Variants in KCNJ12 observed in about 807,000 individuals in gnomAD.
KCNJ12 encodes the protein potassium inwardly rectifying channel subfamily J member 12.
KCNJ12 carries 2 observed loss-of-function variants against 22.3 expected under a neutral mutation model. The ratio of observed to expected loss-of-function variants is 0.09; its 90% CI spans 0.04 to 0.28. KCNJ12 has a LOEUF of 0.28. Ranked by LOEUF, KCNJ12 falls within the 10% of genes least tolerant of loss-of-function variation. The probability of loss-of-function intolerance (pLI) is 1.00; values close to 1 mark genes in which losing one functional copy is unlikely to be tolerated. For missense variants in KCNJ12, 155 were observed against 633.3 expected, an observed-to-expected ratio of 0.24 and a Z score of 8.11; for synonymous variants, 117 against 261.4, an observed-to-expected ratio of 0.45 and a Z score of 5.33.
At chr17:21,386,906 A>G (rs1328930249) in intron 1 of KCNJ12, among the ~76,000 whole-genome samples, 1 of 152,244 alleles carries the variant, frequency 6.6e-6, no homozygotes, top group African/African-American at 2.4e-5. Context: ...TTTCATCTGA[A>G]TAAAGTCATA....
chr17:21,414,474 TAAAAAA>T (rs1555562136), intron 2 of KCNJ12, among the ~76,000 whole-genome samples: 5 of 141,642 alleles, frequency 3.5e-5, no homozygotes, highest in Non-Finnish European at 7.8e-5. Flanking sequence ...AGATTCTGTC[TAAAAAA>T]GAAAAAAAGA....
chr17:21,402,910 C>G (rs529836829), intron 1 of KCNJ12, among the ~76,000 whole-genome samples: 1 of 152,302 alleles, frequency 6.6e-6, no homozygotes, highest in African/African-American at 2.4e-5. Flanking sequence ...GTGCTAGGCC[C>G]AGCTCTGGCT....
At chr17:21,399,879 G>A (rs75174590) in intron 1 of KCNJ12, among the ~76,000 whole-genome samples, 1 of 152,214 alleles carries the variant, frequency 6.6e-6, no homozygotes, top group Non-Finnish European at 1.5e-5. Context: ...AAAGAAACTG[G>A]TGTGAATGGA....
intron 1 of KCNJ12, among the ~76,000 whole-genome samples, chr17:21,400,211 A>AC (rs1390542922): frequency 1.3e-5 from 2 of 152,132 alleles, no homozygotes; most frequent in African/African-American, 4.8e-5. Context: ...TGCAAAGGCC[A>AC]CCTGGGGGTG....
At chr17:21,380,018 C>T (rs74618973) in intron 1 of KCNJ12, among the ~76,000 whole-genome samples, 412 of 152,274 alleles carry the variant, frequency 2.7e-3, no homozygotes, top group African/African-American at 8.7e-3. Flanking sequence ...AGACCCAGAG[C>T]CCTGGTGCTT....
chr17:21,411,016 G>A (rs1445424701), intron 2 of KCNJ12, among the ~76,000 whole-genome samples: 3,501 of 149,932 alleles, frequency 0.023, no homozygotes, highest in African/African-American at 0.086. Context: ...GGGGCTGTTG[G>A]CGCCTCCCCC....
In KCNJ12 at chr17:21,389,196, G is replaced by A. The variant is rs374749141; in HGVS notation, c.-179+12283G>A. ...ATTCACAGGTGGAGAAATGGAGGCC[G>A]GGAGAAGGGGAGGGACTGCCCAGAG... is the stretch of plus-strand genomic sequence containing the variant. On this transcript the variant is annotated intron_variant, in intron 1 of 2. Coordinates refer to ENST00000583088, the MANE Select transcript of KCNJ12 (RefSeq NM_021012.5). 1.6e-4 allele frequency among the ~76,000 whole-genome samples: 25 copies of A among 152,314 alleles called. 1 individual carries two copies. The highest frequency in any genetic ancestry group is 5.5e-4 in the African/African-American group (23 of 41,576).
At chr17:21,392,243 C>T (rs1454509905) in intron 1 of KCNJ12, among the ~76,000 whole-genome samples, 3 of 152,194 alleles carry the variant, frequency 2.0e-5, no homozygotes, top group East Asian at 1.9e-4. Flanking sequence ...CTGGACCTAC[C>T]GGAGGTGCTG....
At chr17:21,398,830 G>C (rs1905472067) in intron 1 of KCNJ12, among the ~76,000 whole-genome samples, 1 of 152,256 alleles carries the variant, frequency 6.6e-6, no homozygotes, top group African/African-American at 2.4e-5. Flanking sequence ...GCATGTGCTA[G>C]CATGTATCAT....
rs1355175339 is a variant in KCNJ12 at position 21,376,902 on chromosome 17, C to G, written c.-190C>G. The G allele has an allele frequency of 2.0e-5, 3 of 151,740 alleles. No homozygotes were observed. The highest frequency in any genetic ancestry group is 7.3e-5 in the African/African-American group (3 of 41,376). The allele number at this position is 151,740 out of a possible 1,614,324, so 9.4% of individuals were successfully genotyped here. A position where few individuals can be genotyped will look rare whatever the true frequency, so the allele number is the denominator to read the frequency against. On this transcript the variant is annotated 5_prime_UTR_variant, in exon 1 of 3. Coordinates refer to ENST00000583088, the MANE Select transcript of KCNJ12 (RefSeq NM_021012.5). This position sits in a 1 kb window ranked among gnomAD's most constrained non-coding sequence, Gnocchi z 5.3. ...GGACGCCGAGCGCGCCGCGCCCGGG[C>G]CACTGACCGAGGTAAGTGCGCGGCC...
chr17:21,415,515 C>A lies in KCNJ12; in HGVS notation c.173C>A (p.Ala58Asp). Residue 58 changes from alanine to aspartate, a missense_variant, in exon 3 of 3, where the codon GCC becomes GAC. Ala to Asp is a moderately radical substitution (Grantham distance 126, BLOSUM62 -2). Transcript: ENST00000583088. ...KKNGQCNIEF[A>D]NMDEKSQRYL... Reference sequence around the variant, plus strand: ...AATGGCCAGTGCAACATTGAGTTCGCCAACATGGACGAGAAGTCACAGCGC... The same window carrying A: ...AATGGCCAGTGCAACATTGAGTTCGACAACATGGACGAGAAGTCACAGCGC... 6.2e-7 allele frequency: 1 copy of A among 1,614,272 alleles called. No homozygotes were observed. Among genetic ancestry groups the A allele is most frequent in the Non-Finnish European group, 8.5e-7 (1 of 1,180,054 alleles).
At chr17:21,384,166 A>C (rs1008041628) in intron 1 of KCNJ12, among the ~76,000 whole-genome samples, 23 of 152,116 alleles carry the variant, frequency 1.5e-4, no homozygotes, top group Non-Finnish European at 2.4e-4. Flanking sequence ...CATTGCATAC[A>C]TGTCATGGCG....
chr17:21,411,149 C>T (rs1465699039), intron 2 of KCNJ12, among the ~76,000 whole-genome samples: 6 of 152,420 alleles, frequency 3.9e-5, no homozygotes, highest in South Asian at 2.1e-4. Context: ...CGGATGTCAC[C>T]GAAACCTGAG....
intron 1 of KCNJ12, among the ~76,000 whole-genome samples, chr17:21,381,702 TC>T (rs1555557949): frequency 2.0e-5 from 3 of 152,204 alleles, no homozygotes. Context: ...TCCCCCATGT[TC>T]CTTTTCCTGC....
At chr17:21,399,993 A>G (rs73310113) in intron 1 of KCNJ12, among the ~76,000 whole-genome samples, 3 of 151,940 alleles carry the variant, frequency 2.0e-5, no homozygotes, top group Non-Finnish European at 2.9e-5. Flanking sequence ...GTCCGTGCAA[A>G]GCGGTATGGG....
chr17:21,406,187 TCA>T (rs1905921899), intron 1 of KCNJ12, among the ~76,000 whole-genome samples: 2 of 152,306 alleles, frequency 1.3e-5, no homozygotes, highest in African/African-American at 4.8e-5. Flanking sequence ...TCTCTCAGCC[TCA>T]GTTTTCCTAT....
chr17:21,404,214 T>TA (rs1419782294), intron 1 of KCNJ12, among the ~76,000 whole-genome samples: 1 of 127,628 alleles, frequency 7.8e-6, no homozygotes, highest in African/African-American at 3.0e-5. Flanking sequence ...GCCCAAGGCC[T>TA]AGTGCCTGGA....
chr17:21,399,341 G>T (rs1905495531), intron 1 of KCNJ12, among the ~76,000 whole-genome samples: 1 of 152,218 alleles, frequency 6.6e-6, no homozygotes, highest in African/African-American at 2.4e-5. Flanking sequence ...GTTGTCAAGA[G>T]ATGCACAAAA....
intron 1 of KCNJ12, among the ~76,000 whole-genome samples, chr17:21,395,603 A>G (rs1015592529): frequency 5.3e-5 from 8 of 151,704 alleles, no homozygotes; most frequent in African/African-American, 1.9e-4. Flanking sequence ...AAGAAAGAAA[A>G]AAGAAAAAAA....
Sources: allele counts gnomAD v4.1 joint callset (sites outside exome capture counted in the v4.1 genomes callset), GRCh38; gene constraint gnomAD v4.1.1; non-coding constraint Gnocchi (gnomAD v3.1); transcripts MANE v1.5; gene names NCBI Gene and HGNC (gene_info 2026-07-23, HGNC 2026-07-21).